Variants in ST3GAL1 observed in about 807,000 individuals in gnomAD.
The protein encoded by ST3GAL1 is ST3 beta-galactoside alpha-2,3-sialyltransferase 1.
In ST3GAL1, 16 loss-of-function variants were observed where a neutral mutation model predicts 34.1. The ratio of observed to expected loss-of-function variants is 0.47; its 90% CI spans 0.32 to 0.71. The LOEUF (loss-of-function observed/expected upper bound fraction) is 0.71. Among genes scored for constraint, ST3GAL1 ranks in the 30% least tolerant of loss-of-function variants. The pLI, the probability that ST3GAL1 is intolerant of heterozygous loss-of-function variation, is 0.04. For missense variants in ST3GAL1, 353 were observed against 447.4 expected, an observed-to-expected ratio of 0.79 and a Z score of 1.90; for synonymous variants, 191 against 184.7, an observed-to-expected ratio of 1.03 and a Z score of -0.28.
At chr8:133,544,886 A>T (rs557529048) in intron 2 of ST3GAL1, among the ~76,000 whole-genome samples, 1 of 149,834 alleles carries the variant, frequency 6.7e-6, no homozygotes, top group Admixed American at 6.7e-5. Flanking sequence ...AGCTATACAC[A>T]CTCACAGACA....
At chr8:133,483,128 G>A (rs542082796) in intron 3 of ST3GAL1, among the ~76,000 whole-genome samples, 3 of 152,310 alleles carry the variant, frequency 2.0e-5, no homozygotes, top group South Asian at 2.1e-4. Flanking sequence ...GATCACTCGA[G>A]GTCAGGAGTT....
At chr8:133,555,438 T>C (rs768059675) in intron 1 of ST3GAL1, among the ~76,000 whole-genome samples, 3 of 152,190 alleles carry the variant, frequency 2.0e-5, no homozygotes, top group Non-Finnish European at 4.4e-5. Flanking sequence ...AGTCACCAAT[T>C]CTCACATTGG....
Position 133,461,835 on chromosome 8 carries a change from G to C in ST3GAL1, c.849+40C>G. ...CTCTCTTGGGAACACAGGACGGTGA[G>C]CTTCGAGGCAGCCCTGTGGGCAGGG... On this transcript the variant is annotated intron_variant, in intron 9 of 9. Coordinates refer to ENST00000522652, the MANE Select transcript of ST3GAL1 (RefSeq NM_173344.3). The surrounding 1 kb of genome is among the most constrained non-coding windows in gnomAD (Gnocchi z 4.7). The C allele has an allele frequency of 6.2e-7, 1 of 1,612,544 alleles. No individual in the cohort carries two copies. Among genetic ancestry groups the C allele is most frequent in the South Asian group, 1.1e-5 (1 of 90,944 alleles).
intron 1 of ST3GAL1, among the ~76,000 whole-genome samples, chr8:133,566,417 C>T (rs945456549): frequency 2.6e-5 from 4 of 152,194 alleles, no homozygotes; most frequent in African/African-American, 9.7e-5. Context: ...AATGCGATCA[C>T]TTTCTCTTAT....
chr8:133,467,624 G>C lies in ST3GAL1; in HGVS notation c.307-1534C>G, dbSNP rs1296473387. Among the ~76,000 whole-genome samples, 2 of 152,194 alleles carry C rather than the reference G, an allele frequency of 1.3e-5. No individual in the cohort carries two copies. Among genetic ancestry groups the C allele is most frequent in the African/African-American group, 4.8e-5 (2 of 41,440 alleles). The stretch of plus-strand genomic sequence containing the variant: ...TGGAAAGCCCAGACCCTGGATTTTG[G>C]GGTAGGGGTGATAAGCTGTGGGGTG... On this transcript the variant is annotated intron_variant, in intron 5 of 9. Transcript: ENST00000522652. This position sits in a 1 kb window ranked among gnomAD's most constrained non-coding sequence, Gnocchi z 4.2.
intron 2 of ST3GAL1, among the ~76,000 whole-genome samples, chr8:133,542,992 C>T (rs761084442): frequency 5.9e-5 from 9 of 152,092 alleles, no homozygotes; most frequent in South Asian, 2.1e-4. Flanking sequence ...TACACAATCC[C>T]GGAAGTTCTC....
intron 2 of ST3GAL1, among the ~76,000 whole-genome samples, chr8:133,504,347 G>A (rs1333817553): frequency 6.6e-6 from 1 of 152,194 alleles, no homozygotes; most frequent in Non-Finnish European, 1.5e-5. Context: ...GGCTTGGAAG[G>A]CAAATGTCAA....
chr8:133,491,388 G>T (rs1347889458), intron 3 of ST3GAL1, among the ~76,000 whole-genome samples: 1 of 152,098 alleles, frequency 6.6e-6, no homozygotes, highest in African/African-American at 2.4e-5. Context: ...CCCCATTTGG[G>T]TGGTGCTGGA....
rs554896221 is a variant in ST3GAL1 at position 133,537,069 on chromosome 8, C to T, written c.-429+8705G>A. ...CAACTCCTACCCCAAACACAAGCCT[C>T]AAGTCCGGGTCTCTGCAACTTCTGA... On this transcript the variant is annotated intron_variant, in intron 2 of 9. Transcript: ENST00000522652. 5.6e-4 allele frequency among the ~76,000 whole-genome samples: 86 copies of T among 152,298 alleles called. 1 individual carries two copies. The highest frequency in any genetic ancestry group is 6.8e-3 in the Middle Eastern group (2 of 294).
intron 1 of ST3GAL1, among the ~76,000 whole-genome samples, chr8:133,557,994 G>A (rs765150760): frequency 4.6e-5 from 7 of 151,764 alleles, no homozygotes; most frequent in Non-Finnish European, 7.4e-5. Context: ...CTGATGTCCA[G>A]TGATGATACC....
chr8:133,551,508 AAGAC>A (rs1457888212), intron 1 of ST3GAL1, among the ~76,000 whole-genome samples: 6 of 144,138 alleles, frequency 4.2e-5, no homozygotes, highest in South Asian at 2.2e-4. Context: ...AAGAGACAGA[AAGAC>A]AGAAAGAAAG....
intron 2 of ST3GAL1, among the ~76,000 whole-genome samples, chr8:133,521,185 G>A (rs1226665045): frequency 8.2e-6 from 1 of 122,238 alleles, no homozygotes; most frequent in Non-Finnish European, 1.7e-5. Flanking sequence ...CCAGGCTAGA[G>A]TGCAGTGGTG....
intron 3 of ST3GAL1, among the ~76,000 whole-genome samples, chr8:133,494,474 C>G (rs141159303): frequency 1.6e-3 from 237 of 152,318 alleles, no homozygotes; most frequent in African/African-American, 5.3e-3. Flanking sequence ...ATCCATGAAA[C>G]ACTAACAGGC....
intron 1 of ST3GAL1, chr8:133,567,405 C>T (rs958469570): frequency 4.5e-4 from 68 of 152,292 alleles, no homozygotes; most frequent in African/African-American, 1.6e-3. Flanking sequence ...ACCAAATAAA[C>T]AATAAAACCC....
In ST3GAL1 at chr8:133,459,692, C is replaced by T. The variant is rs529290228; in HGVS notation, c.*72G>A. 1.8e-3 allele frequency: 2,757 copies of T among 1,526,488 alleles called. 5 individuals carry two copies. The highest frequency in any genetic ancestry group is 2.3e-3 in the Non-Finnish European group (2,625 of 1,131,660). The allele number at this position is 1,526,488 out of a possible 1,614,324, so 94.6% of individuals were successfully genotyped here. On this transcript the variant is annotated 3_prime_UTR_variant, in exon 10 of 10. Coordinates refer to ENST00000522652, the MANE Select transcript of ST3GAL1 (RefSeq NM_173344.3). This position sits in a 1 kb window ranked among gnomAD's most constrained non-coding sequence, Gnocchi z 4.7. ...TGCCCCTCCAAGCTCCGGGATGGAACGGCTCCAGCAAGATGCTGGGGCTGG... is the reference window on the plus strand; with the variant it reads ...TGCCCCTCCAAGCTCCGGGATGGAATGGCTCCAGCAAGATGCTGGGGCTGG...
At chr8:133,553,802 T>A (rs1166276958) in intron 1 of ST3GAL1, among the ~76,000 whole-genome samples, 2 of 152,138 alleles carry the variant, frequency 1.3e-5, no homozygotes, top group Admixed American at 1.3e-4. Context: ...TGGGAATCTA[T>A]CTTAGGACTA....
At chr8:133,534,848 G>C (rs1054567796) in intron 2 of ST3GAL1, among the ~76,000 whole-genome samples, 11 of 152,212 alleles carry the variant, frequency 7.2e-5, no homozygotes, top group Admixed American at 2.6e-4. Flanking sequence ...CACCAGTCTC[G>C]GTGCTGGTGA....
chr8:133,550,052 T>C (rs1818797012), intron 1 of ST3GAL1, among the ~76,000 whole-genome samples: 1 of 152,214 alleles, frequency 6.6e-6, no homozygotes, highest in Non-Finnish European at 1.5e-5. Context: ...TCAGCTTCTC[T>C]AATACAGCAC....
At chr8:133,551,614 G>GAAAGAA (rs1554619966) in intron 1 of ST3GAL1, among the ~76,000 whole-genome samples, 38 of 142,402 alleles carry the variant, frequency 2.7e-4, no homozygotes, top group Middle Eastern at 3.8e-3. Flanking sequence ...AAGAAAGAAA[G>GAAAGAA]AAAGAGCGAG....
Sources: allele counts gnomAD v4.1 joint callset (sites outside exome capture counted in the v4.1 genomes callset), GRCh38; gene constraint gnomAD v4.1.1; non-coding constraint Gnocchi (gnomAD v3.1); transcripts MANE v1.5; gene names NCBI Gene and HGNC (gene_info 2026-07-23, HGNC 2026-07-21).